The following WWOX variants were observed in gnomAD, a reference collection of about 807,000 sequenced individuals.
WWOX encodes the protein WW domain containing oxidoreductase.
A neutral mutation model predicts 46.2 loss-of-function variants in WWOX; 69 were observed. The observed-to-expected ratio is 1.49, with a 90% confidence interval of 1.23 to 1.82. The LOEUF (loss-of-function observed/expected upper bound fraction) is 1.82, where lower values mean the gene tolerates loss of function less well. Ranked by LOEUF, WWOX falls within the 40% of genes most tolerant of loss-of-function variation. The pLI is 0.00. For missense variants in WWOX, 919 were observed against 542.6 expected (o/e 1.69, Z -6.89); for synonymous variants, 359 against 202.6 (o/e 1.77, Z -6.56).
Position 78,727,985 on chromosome 16 carries a change from G to A in WWOX, c.1056+295233G>A, listed in dbSNP as rs972539970. On this transcript the variant is annotated intron_variant, in intron 8 of 8. Coordinates refer to ENST00000566780, the MANE Select transcript of WWOX (RefSeq NM_016373.4). ...AAATAGTCAAATTCTTTATTAATTC[G>A]TTTATAAGTAAGAAACCTATTACAA... 5.5e-5 allele frequency among the ~76,000 whole-genome samples: 8 copies of A among 145,448 alleles called. 1 individual carries two copies. The highest frequency in any genetic ancestry group is 9.0e-5 in the Non-Finnish European group (6 of 67,014).
chr16:78,354,996 G>C (rs1232901401), intron 5 of WWOX, among the ~76,000 whole-genome samples: 2 of 152,102 alleles, frequency 1.3e-5, no homozygotes, highest in Non-Finnish European at 2.9e-5. Context: ...GCCGGGAGTG[G>C]TGGTGCATGT....
At chr16:78,621,082 T>C (rs1376477516) in intron 8 of WWOX, among the ~76,000 whole-genome samples, 1 of 152,218 alleles carries the variant, frequency 6.6e-6, no homozygotes, top group East Asian at 1.9e-4. Context: ...CTTCTCCTGC[T>C]GCCACCTTGG....
rs192089677 is a variant in WWOX, at chr16:78,600,088, G to C, written c.1056+167336G>C. Among the ~76,000 whole-genome samples the C allele has an allele frequency of 5.1e-3, 769 of 152,214 alleles. 2 individuals are homozygous for C. Among genetic ancestry groups the C allele is most frequent in the Middle Eastern group, 0.01 (3 of 294 alleles). On this transcript the variant is annotated intron_variant, in intron 8 of 8. Transcript: ENST00000566780. ...TCTTACATGGTTGGCAGCAGGCAAA[G>C]AGTGAGCTTGTGCAGGGAAACTCCC...
intron 8 of WWOX, among the ~76,000 whole-genome samples, chr16:78,665,441 T>C (rs1412759289): frequency 6.6e-6 from 1 of 152,156 alleles, no homozygotes; most frequent in Admixed American, 6.5e-5. Context: ...TCTGGGCACA[T>C]GGGAAGGCCG....
In WWOX at chr16:78,765,409, T is replaced by C. The variant is rs577682809; in HGVS notation, c.1056+332657T>C. ...ACGTAAGATTCGGGGCCGGGCACGG[T>C]GGCTCATACTTATAATCCCAGCACT... On this transcript the variant is annotated intron_variant, in intron 8 of 8. Transcript: ENST00000566780. Among the ~76,000 whole-genome samples the C allele has an allele frequency of 6.2e-4, 95 of 152,314 alleles. 1 individual carries two copies. The highest frequency in any genetic ancestry group is 6.0e-3 in the Admixed American group (92 of 15,302).
At chr16:78,935,435 A>G (rs1055533457) in intron 8 of WWOX, among the ~76,000 whole-genome samples, 2 of 152,188 alleles carry the variant, frequency 1.3e-5, no homozygotes, top group Admixed American at 6.5e-5. Flanking sequence ...TAAAAAAAGG[A>G]TGAGTTCATG....
chr16:79,203,546 A>G (rs867331896), intron 8 of WWOX: 10 of 144,272 alleles, frequency 6.9e-5, no homozygotes, highest in African/African-American at 2.6e-4. Context: ...GTTATAGAAT[A>G]CTTATGGGGC....
intron 8 of WWOX, among the ~76,000 whole-genome samples, chr16:78,584,899 C>T (rs2045156414): frequency 6.6e-6 from 1 of 152,202 alleles, no homozygotes; most frequent in African/African-American, 2.4e-5. Context: ...GAGAATTTCC[C>T]ATTCATTGAC....
At chr16:78,974,623 C>A (rs947137059) in intron 8 of WWOX, among the ~76,000 whole-genome samples, 1 of 152,190 alleles carries the variant, frequency 6.6e-6, no homozygotes, top group African/African-American at 2.4e-5. Flanking sequence ...CTAAATATTA[C>A]ACGTAGCAAA....
intron 6 of WWOX, among the ~76,000 whole-genome samples, chr16:78,409,609 G>C (rs146475255): frequency 1.3e-5 from 2 of 152,192 alleles, no homozygotes; most frequent in African/African-American, 4.8e-5. Context: ...CATTGCTGTT[G>C]TAATAAATTA....
chr16:79,029,771 G>A (rs2047716873), intron 8 of WWOX, among the ~76,000 whole-genome samples: 1 of 152,134 alleles, frequency 6.6e-6, no homozygotes, highest in African/African-American at 2.4e-5. Flanking sequence ...ATTATTAATT[G>A]TACCCTGGAT....
intron 8 of WWOX, among the ~76,000 whole-genome samples, chr16:78,681,553 A>T (rs2047729864): frequency 6.6e-6 from 1 of 151,816 alleles, no homozygotes; most frequent in South Asian, 2.1e-4. Flanking sequence ...ATACAAAAAA[A>T]AAAAAAGGAA....
chr16:78,797,949 C>G (rs1015056252), intron 8 of WWOX, among the ~76,000 whole-genome samples: 3 of 152,212 alleles, frequency 2.0e-5, no homozygotes, highest in Non-Finnish European at 2.9e-5. Context: ...GGTCACACCA[C>G]TGCCCTCAAC....
Position 78,593,291 on chromosome 16 carries a change from T to A in WWOX, c.1056+160539T>A, listed in dbSNP as rs1405326668. Among the ~76,000 whole-genome samples the A allele has an allele frequency of 3.9e-5, 6 of 152,096 alleles. No homozygotes were observed. In the East Asian group the frequency reaches 1.2e-3, roughly 29 times the overall value. Reference sequence around the variant, plus strand: ...CCTGGCCTCAAGCAATCCAGCCACCTCGGCCTCCCAAAGTGCTGGGATTAT... The same window carrying A: ...CCTGGCCTCAAGCAATCCAGCCACCACGGCCTCCCAAAGTGCTGGGATTAT... On this transcript the variant is annotated intron_variant, in intron 8 of 8. Transcript: ENST00000566780.
At chr16:79,176,769 G>C (rs1032199861) in intron 8 of WWOX, among the ~76,000 whole-genome samples, 1 of 152,156 alleles carries the variant, frequency 6.6e-6, no homozygotes, top group Non-Finnish European at 1.5e-5. Context: ...TCATAATATA[G>C]AGTCATAGGA....
intron 8 of WWOX, among the ~76,000 whole-genome samples, chr16:79,164,551 G>A (rs1285085610): frequency 6.6e-6 from 1 of 152,160 alleles, no homozygotes; most frequent in Non-Finnish European, 1.5e-5. Flanking sequence ...CAGGCCAAGT[G>A]ACAGGCGTCC....
At chr16:79,098,174 C>A (rs530725696) in intron 8 of WWOX, among the ~76,000 whole-genome samples, 2 of 152,182 alleles carry the variant, frequency 1.3e-5, no homozygotes, top group Non-Finnish European at 2.9e-5. Context: ...CTTGAAAACA[C>A]ACAGATGCCT....
chr16:78,844,734 G>A (rs2052252698), intron 8 of WWOX, among the ~76,000 whole-genome samples: 1 of 152,218 alleles, frequency 6.6e-6, no homozygotes, highest in Non-Finnish European at 1.5e-5. Context: ...CTTACAAGAT[G>A]CGTCTGGAAA....
chr16:78,244,866 T>C (rs2037768093), intron 5 of WWOX, among the ~76,000 whole-genome samples: 1 of 152,104 alleles, frequency 6.6e-6, no homozygotes, highest in African/African-American at 2.4e-5. Flanking sequence ...CTATTTCTCA[T>C]ACACAATAGG....
Sources: gnomAD v4.1 joint callset for allele counts (sites outside exome capture counted in the v4.1 genomes callset) on GRCh38, gnomAD v4.1.1 for gene constraint, MANE v1.5 for transcripts, NCBI Gene and HGNC (gene_info 2026-07-23, HGNC 2026-07-21) for gene names.